The following ARL10 variants were observed in gnomAD, a reference collection of about 807,000 sequenced individuals.
ARL10 encodes the protein ARF like GTPase 10, also known as ADP-ribosylation factor-like protein 10.
In ARL10, 23 loss-of-function variants were observed where a neutral mutation model predicts 26.1. That is an observed-to-expected ratio of 0.88 (90% CI 0.63 to 1.25). ARL10 has a LOEUF of 1.25. Ranked by LOEUF, ARL10 falls within the 50% of genes most tolerant of loss-of-function variation. The pLI, the probability that ARL10 is intolerant of heterozygous loss-of-function variation, is 0.00. For missense variants in ARL10, 300 were observed against 323.6 expected, an observed-to-expected ratio of 0.93 and a Z score of 0.56; for synonymous variants, 138 against 149.1, an observed-to-expected ratio of 0.93 and a Z score of 0.54.
intron 2 of ARL10, 89 bp downstream of exon 2, chr5:176,366,670 T>A: frequency 6.9e-7 from 1 of 1,440,742 alleles, no homozygotes; most frequent in East Asian, 2.3e-5. Flanking sequence ...AAAATGCATG[T>A]CTAAGCAGCA....
At chr5:176,390,053 G>A (rs7736666), downstream of ARL10, among the ~76,000 whole-genome samples, 53,828 of 151,530 alleles carry the variant, frequency 0.36, 9,930 homozygotes, top group African/African-American at 0.44. Flanking sequence ...GTGGTGTTGC[G>A]TGCCTGTAAT....
chr5:176,389,555 C>T, downstream of ARL10: 1 of 1,537,910 alleles, frequency 6.5e-7, no homozygotes, highest in Non-Finnish European at 8.8e-7. Flanking sequence ...AGGGAGCAAC[C>T]ACTGGCCCTA....
downstream of ARL10, chr5:176,389,221 TC>T: frequency 7.4e-7 from 1 of 1,343,468 alleles, no homozygotes; most frequent in Non-Finnish European, 1.0e-6. Context: ...CTCGCCGCCC[TC>T]CCTCCGCTGT....
downstream of ARL10, chr5:176,384,221 T>C: frequency 1.9e-6 from 3 of 1,614,212 alleles, no homozygotes; most frequent in Non-Finnish European, 2.5e-6. Context: ...GCAGCTGTGA[T>C]GTAAACCAGT....
In ARL10 at chr5:176,368,171, A is replaced by T; in HGVS notation, c.386-636A>T. ...GCAGAGAGGAAAAGAAAGGTGATCCAGGCTGGGGGACTGTGTTGGCAACCA... is the reference window on the plus strand; with the variant it reads ...GCAGAGAGGAAAAGAAAGGTGATCCTGGCTGGGGGACTGTGTTGGCAACCA... On this transcript the variant is annotated intron_variant, in intron 2 of 3. Coordinates refer to ENST00000310389, the MANE Select transcript of ARL10 (RefSeq NM_173664.6). The surrounding 1 kb of genome is among the most constrained non-coding windows in gnomAD (Gnocchi z 4.1). 5.0e-6 allele frequency: 2 copies of T among 398,724 alleles called. No individual in the cohort carries two copies. Among genetic ancestry groups the T allele is most frequent in the South Asian group, 4.0e-5 (2 of 50,274 alleles). The allele number at this position is 398,724 out of a possible 1,614,324, so 24.7% of individuals were successfully genotyped here.
At chr5:176,413,725 T>G in the ARL10 span, among the ~76,000 whole-genome samples, 1 of 152,208 alleles carries the variant, frequency 6.6e-6, no homozygotes, top group African/African-American at 2.4e-5. Flanking sequence ...AGGGGAAGAT[T>G]ACCTGTTCAG....
At chr5:176,397,992 G>C (rs1310406740) in intron 1 of ARL10, 2 of 1,614,000 alleles carry the variant, frequency 1.2e-6, no homozygotes, top group Non-Finnish European at 1.7e-6. Flanking sequence ...AGGCTCCTGG[G>C]TCAGCCTGTC....
downstream of ARL10, chr5:176,389,089 C>T: frequency 3.7e-6 from 5 of 1,362,522 alleles, no homozygotes; most frequent in South Asian, 2.6e-5. Context: ...AGAGAAGAGA[C>T]GAGGGGGCGG....
the ARL10 span, among the ~76,000 whole-genome samples, chr5:176,409,296 A>G: frequency 2.2e-5 from 2 of 91,996 alleles, no homozygotes; most frequent in Non-Finnish European, 5.0e-5. Flanking sequence ...TAAAATTGAA[A>G]AAAAAAAAAA....
At chr5:176,386,823 A>AT (rs764697023), downstream of ARL10, 1 of 1,610,702 alleles carries the variant, frequency 6.2e-7, no homozygotes, top group Admixed American at 1.7e-5. Flanking sequence ...CTAAAGGAAT[A>AT]TATGGACCAC....
At chr5:176,385,602 G>A (rs1412690656), downstream of ARL10, among the ~76,000 whole-genome samples, 1 of 152,218 alleles carries the variant, frequency 6.6e-6, no homozygotes. Context: ...GATTTACAAG[G>A]AAGGTACCAG....
intron 3 of ARL10, among the ~76,000 whole-genome samples, chr5:176,371,079 A>C (rs2113551518): frequency 6.6e-6 from 1 of 152,350 alleles, no homozygotes; most frequent in East Asian, 1.9e-4. Context: ...ACACATAGGA[A>C]GTGCTCTATT....
At position 176,375,715 on chromosome 5, in the gene ARL10, C is replaced by G; in HGVS notation, c.*3820C>G. On this transcript the variant is annotated 3_prime_UTR_variant, in exon 4 of 4. Coordinates refer to ENST00000310389, the MANE Select transcript of ARL10 (RefSeq NM_173664.6). ...TGGGGGCCACCTGGTAGCATTTGAG[C>G]AGGGGTCACTTATGTTCCCCCATAA... 6.6e-6 allele frequency: 1 copy of G among 152,180 alleles called. No homozygotes were observed. Among genetic ancestry groups the G allele is most frequent in the East Asian group, 1.9e-4 (1 of 5,186 alleles). 9.4% of individuals were successfully genotyped at this position (152,180 alleles called of 1,614,324 possible).
chr5:176,411,019 T>C, the ARL10 span, among the ~76,000 whole-genome samples: 2 of 152,184 alleles, frequency 1.3e-5, no homozygotes, highest in Non-Finnish European at 2.9e-5. Context: ...GCCCAGGACC[T>C]CACCACCTTG....
intron 1 of ARL10, among the ~76,000 whole-genome samples, chr5:176,401,571 A>G (rs375797136): frequency 1.3e-5 from 2 of 152,298 alleles, no homozygotes; most frequent in African/African-American, 4.8e-5. Context: ...AGAGGGTCAT[A>G]TCTGAGCACT....
downstream of ARL10, chr5:176,384,420 C>G (rs771867890): frequency 1.9e-6 from 3 of 1,570,116 alleles, no homozygotes; most frequent in East Asian, 6.7e-5. Flanking sequence ...CAGGCAAAGG[C>G]TCAAATCTGA....
chr5:176,408,407 G>A, the ARL10 span, among the ~76,000 whole-genome samples: 53 of 151,942 alleles, frequency 3.5e-4, no homozygotes, highest in African/African-American at 1.3e-3. Flanking sequence ...GTGGTGGCGG[G>A]TGCCTGTAAT....
chr5:176,398,152 C>T, intron 1 of ARL10: 1 of 946,536 alleles, frequency 1.1e-6, no homozygotes, highest in South Asian at 1.4e-5. Context: ...CAGCCTCAAA[C>T]AACCTCATAC....
chr5:176,402,258 A>G (rs1756860658), downstream of ARL10, among the ~76,000 whole-genome samples: 1 of 152,220 alleles, frequency 6.6e-6, no homozygotes, highest in African/African-American at 2.4e-5. Context: ...AGATCGTGCC[A>G]CTGTACTCCA....
Sources: gnomAD v4.1 joint callset for allele counts (sites outside exome capture counted in the v4.1 genomes callset) on GRCh38, gnomAD v4.1.1 for gene constraint, Gnocchi (gnomAD v3.1) non-coding constraint, MANE v1.5 for transcripts, NCBI Gene and HGNC (gene_info 2026-07-23, HGNC 2026-07-21) for gene names.